Variants in KCNB2 observed in about 807,000 individuals in gnomAD.
The protein encoded by KCNB2 is potassium voltage-gated channel subfamily B member 2, also known as delayed rectifier potassium channel protein.
KCNB2 carries 15 observed loss-of-function variants against 61.5 expected under a neutral mutation model. The observed-to-expected ratio is 0.24, with a 90% CI of 0.16 to 0.38. The LOEUF (loss-of-function observed/expected upper bound fraction) is 0.38. Ranked by LOEUF, KCNB2 falls within the 10% of genes least tolerant of loss-of-function variation. KCNB2 has a pLI of 1.00. For missense variants in KCNB2, 828 were observed against 1,125.2 expected (o/e 0.74, Z 3.78); for synonymous variants, 457 against 446.0 (o/e 1.02, Z -0.31).
At chr8:72,748,509 G>A (rs1314057452) in intron 2 of KCNB2, among the ~76,000 whole-genome samples, 3 of 151,972 alleles carry the variant, frequency 2.0e-5, no homozygotes, top group Admixed American at 6.6e-5. Context: ...AGTGCTTTGA[G>A]GGGAAGGGTC....
intron 2 of KCNB2, among the ~76,000 whole-genome samples, chr8:72,724,312 A>G (rs2128992987): frequency 6.6e-6 from 1 of 152,340 alleles, no homozygotes; most frequent in South Asian, 2.1e-4. Context: ...CCAGTTGTAC[A>G]GCTATTCCTC....
At chr8:72,710,984 A>G (rs1807316765) in intron 2 of KCNB2, among the ~76,000 whole-genome samples, 1 of 152,206 alleles carries the variant, frequency 6.6e-6, no homozygotes, top group South Asian at 2.1e-4. Context: ...GACAAACAAT[A>G]CCAAAATCCC....
chr8:72,757,110 G>T (rs17765547), intron 2 of KCNB2, among the ~76,000 whole-genome samples: 1 of 151,976 alleles, frequency 6.6e-6, no homozygotes, highest in African/African-American at 2.4e-5. Flanking sequence ...CTTGGGGAGC[G>T]CCAATGTGCT....
chr8:72,806,724 C>A (rs765789827), intron 2 of KCNB2, among the ~76,000 whole-genome samples: 6 of 152,072 alleles, frequency 3.9e-5, no homozygotes, highest in Non-Finnish European at 7.4e-5. Context: ...TATTGAATGT[C>A]CAGTGTGCAC....
intron 2 of KCNB2, among the ~76,000 whole-genome samples, chr8:72,844,071 G>T (rs907786089): frequency 2.0e-5 from 3 of 152,174 alleles, no homozygotes; most frequent in African/African-American, 7.2e-5. Context: ...GCAGTGGCTG[G>T]TACTGGTTTT....
At chr8:72,629,506 C>T (rs1316167853) in intron 2 of KCNB2, among the ~76,000 whole-genome samples, 1 of 152,186 alleles carries the variant, frequency 6.6e-6, no homozygotes, top group African/African-American at 2.4e-5. Context: ...ATTGGTCTGG[C>T]CTGAGTCTTT....
intron 2 of KCNB2, among the ~76,000 whole-genome samples, chr8:72,903,210 G>A (rs1230587344): frequency 6.6e-6 from 1 of 152,158 alleles, no homozygotes; most frequent in Non-Finnish European, 1.5e-5. Context: ...TGGTTTATTT[G>A]AGAGGTGATC....
chr8:72,570,695 C>A (rs762387969), intron 2 of KCNB2, among the ~76,000 whole-genome samples: 38 of 151,972 alleles, frequency 2.5e-4, no homozygotes, highest in Non-Finnish European at 4.4e-5. Flanking sequence ...ATATTCTAGC[C>A]CTCACTATTT....
rs775572106 is a variant in KCNB2 at position 72,763,193 on chromosome 8, G to A, written c.580-172742G>A. Among the ~76,000 whole-genome samples the A allele has an allele frequency of 8.4e-4, 128 of 152,156 alleles. 1 individual carries two copies. Among genetic ancestry groups the A allele is most frequent in the African/African-American group, 2.8e-3 (117 of 41,538 alleles). The stretch of plus-strand genomic sequence containing the variant: ...TCTCACTAATGATGTATGTTAGCTC[G>A]AGGGTAGAACCTGAAGACTCTGGAG... On this transcript the variant is annotated intron_variant, in intron 2 of 2. Coordinates refer to ENST00000523207, the MANE Select transcript of KCNB2 (RefSeq NM_004770.3).
chr8:72,702,338 T>G (rs568904543), intron 2 of KCNB2, among the ~76,000 whole-genome samples: 71 of 152,198 alleles, frequency 4.7e-4, no homozygotes, highest in Non-Finnish European at 8.8e-5. Context: ...GACCAAGACA[T>G]AGAGGAGTTT....
chr8:72,584,503 C>T (rs1452846308), intron 2 of KCNB2, among the ~76,000 whole-genome samples: 1 of 151,998 alleles, frequency 6.6e-6, no homozygotes, highest in Non-Finnish European at 1.5e-5. Context: ...AAAACTCTTA[C>T]CTTTTACTAC....
intron 2 of KCNB2, among the ~76,000 whole-genome samples, chr8:72,714,401 A>G (rs1807385919): frequency 6.6e-6 from 1 of 152,228 alleles, no homozygotes; most frequent in African/African-American, 2.4e-5. Flanking sequence ...TATTAAGGGC[A>G]GACAGAGAGA....
intron 2 of KCNB2, among the ~76,000 whole-genome samples, chr8:72,793,379 C>T (rs1323229865): frequency 6.6e-6 from 1 of 152,114 alleles, no homozygotes; most frequent in Non-Finnish European, 1.5e-5. Flanking sequence ...AGCCAAGAAA[C>T]AAATGACAAG....
intron 2 of KCNB2, among the ~76,000 whole-genome samples, chr8:72,833,203 G>A (rs568463242): frequency 2.6e-5 from 4 of 152,184 alleles, no homozygotes; most frequent in Non-Finnish European, 5.9e-5. Context: ...AGCAAGTAAT[G>A]AGTATGTTAC....
At chr8:72,827,816 CT>C (rs11346090) in intron 2 of KCNB2, among the ~76,000 whole-genome samples, 49,616 of 143,498 alleles carry the variant, frequency 0.35, 8,533 homozygotes, top group East Asian at 0.71. Flanking sequence ...AAGTTTCTTT[CT>C]TTTTTTTTTT....
At position 72,537,556 on chromosome 8, in the gene KCNB2, A is replaced by T. The variant is rs1446168184; in HGVS notation, c.-423A>T. ...CTGTGGCGGCGGCAGGGGGATGGGGACCCCGTGTGGGGAAGGGGTTGAAGA... is the reference window on the plus strand; with the variant it reads ...CTGTGGCGGCGGCAGGGGGATGGGGTCCCCGTGTGGGGAAGGGGTTGAAGA... On this transcript the variant is annotated 5_prime_UTR_variant, in exon 1 of 3. Transcript: ENST00000523207. The T allele has an allele frequency of 1.3e-5, 2 of 152,508 alleles. No individual in the cohort carries two copies. Among genetic ancestry groups the T allele is most frequent in the Non-Finnish European group, 2.9e-5 (2 of 68,406 alleles). 9.4% of individuals were successfully genotyped at this position (152,508 alleles called of 1,614,324 possible). A position where few individuals can be genotyped will look rare whatever the true frequency, so the allele number is the denominator to read the frequency against.
intron 2 of KCNB2, among the ~76,000 whole-genome samples, chr8:72,785,617 T>C (rs577633388): frequency 6.6e-6 from 1 of 152,304 alleles, no homozygotes; most frequent in African/African-American, 2.4e-5. Context: ...GGATTTTTTT[T>C]TGACATCCTG....
intron 2 of KCNB2, among the ~76,000 whole-genome samples, chr8:72,766,871 G>A (rs1808467414): frequency 1.3e-5 from 2 of 152,128 alleles, no homozygotes; most frequent in Admixed American, 6.5e-5. Context: ...CCAAGACTGG[G>A]AAGAAAAAGA....
At chr8:72,869,891 C>G (rs2129004671) in intron 2 of KCNB2, among the ~76,000 whole-genome samples, 1 of 152,246 alleles carries the variant, frequency 6.6e-6, no homozygotes, top group African/African-American at 2.4e-5. Flanking sequence ...ATCTGCACCC[C>G]CCTATTCACT....
Sources: allele counts gnomAD v4.1 joint callset (sites outside exome capture counted in the v4.1 genomes callset), GRCh38; gene constraint gnomAD v4.1.1; transcripts MANE v1.5; gene names NCBI Gene and HGNC (gene_info 2026-07-23, HGNC 2026-07-21).